Variants in ATP9B observed in about 807,000 individuals in gnomAD.
ATP9B encodes probable phospholipid-transporting ATPase IIB.
ATP9B carries 110 observed loss-of-function variants against 146.1 expected under a neutral mutation model. The ratio of observed to expected loss-of-function variants is 0.75; its 90% CI spans 0.65 to 0.88. ATP9B has a LOEUF of 0.88. Among genes scored for constraint, ATP9B ranks in the 40% least tolerant of loss-of-function variants. ATP9B has a pLI of 0.00. For missense variants in ATP9B, 1,499 were observed against 1,496.4 expected (o/e 1.00, Z -0.03); for synonymous variants, 604 against 569.7 (o/e 1.06, Z -0.86).
intron 25 of ATP9B, chr18:79,352,528 A>G (rs1203466085): frequency 6.6e-6 from 1 of 152,278 alleles, no homozygotes; most frequent in Non-Finnish European, 1.5e-5. Flanking sequence ...GGGGACAGGG[A>G]TGCCTCAGAG....
chr18:79,234,760 C>T (rs2095825374), intron 11 of ATP9B, among the ~76,000 whole-genome samples: 1 of 152,026 alleles, frequency 6.6e-6, no homozygotes, highest in African/African-American at 2.4e-5. Context: ...GTTTGTGTGG[C>T]TTAGGGAGAT....
At chr18:79,272,837 C>T (rs1036565346) in intron 12 of ATP9B, among the ~76,000 whole-genome samples, 2 of 152,160 alleles carry the variant, frequency 1.3e-5, no homozygotes, top group African/African-American at 4.8e-5. Context: ...ATGCTGTTCC[C>T]GAGGCTCAGA....
chr18:79,375,450 C>A (rs1439005404), intron 29 of ATP9B, 24 bp downstream of exon 29: 1 of 1,609,740 alleles, frequency 6.2e-7, no homozygotes, highest in South Asian at 1.1e-5. Context: ...TCATTTCTTT[C>A]AAAAGTGTAG....
At position 79,189,426 on chromosome 18, in the gene ATP9B, C is replaced by T. The variant is rs1398440554; in HGVS notation, c.874-3757C>T. On this transcript the variant is annotated intron_variant, in intron 8 of 29. Transcript: ENST00000426216. ...TACTATACATTCCCCTTGAACAACA[C>T]AGGGGTCAATTGTATCAATCCCCCA... 2.6e-5 allele frequency among the ~76,000 whole-genome samples: 4 copies of T among 152,204 alleles called. No individual in the cohort carries two copies. The South Asian group carries it at 6.2e-4, about 24-fold the overall frequency.
chr18:79,256,286 T>TATATATATATATATATATACAC lies in ATP9B; in HGVS notation c.1268+2746_1268+2747insTATATATATATATATATACACA, dbSNP rs398033647. Reference sequence around the variant, plus strand: ...ATATATATATATATATATATATATATACATACATAGTGAGGCTATGTTATT... The same window carrying TATATATATATATATATATACAC: ...ATATATATATATATATATATATATATATATATATATATATATATACACACATACATAGTGAGGCTATGTTATT... On this transcript the variant is annotated intron_variant, in intron 12 of 29. Coordinates refer to ENST00000426216, the MANE Select transcript of ATP9B (RefSeq NM_198531.5). Among the ~76,000 whole-genome samples the TATATATATATATATATATACAC allele has an allele frequency of 4.6e-4, 56 of 123,046 alleles. 2 individuals carry two copies. Among genetic ancestry groups the TATATATATATATATATATACAC allele is most frequent in the African/African-American group, 1.8e-3 (54 of 30,784 alleles). 80.7% of individuals were successfully genotyped at this position (123,046 alleles called of 152,430 possible). A position where few individuals can be genotyped will look rare whatever the true frequency, so the allele number is the denominator to read the frequency against.
chr18:79,327,579 TCTCCGTGGTTAACGTGCC>T (rs1568697885), intron 15 of ATP9B, among the ~76,000 whole-genome samples: 16 of 72,238 alleles, frequency 2.2e-4, no homozygotes, highest in African/African-American at 5.9e-4. Context: ...GTTAGCGTGC[TCTCCGTGGTTAACGTGCC>T]CTCCGTGGTT....
intron 12 of ATP9B, among the ~76,000 whole-genome samples, chr18:79,269,704 A>G (rs981602574): frequency 6.6e-6 from 1 of 152,220 alleles, no homozygotes; most frequent in African/African-American, 2.4e-5. Context: ...ACAAAGATGG[A>G]GGTTCATTTC....
intron 4 of ATP9B, chr18:79,115,420 C>T (rs1157159911): frequency 7.2e-6 from 1 of 139,320 alleles, no homozygotes; most frequent in Non-Finnish European, 1.5e-5. Context: ...GAAAAAACTA[C>T]TTTACAGTTC....
chr18:79,076,562 C>A lies in ATP9B; in HGVS notation c.119+7033C>A, dbSNP rs780219699. Among the ~76,000 whole-genome samples the A allele has an allele frequency of 8.0e-4, 121 of 151,024 alleles. 1 individual carries two copies. Among genetic ancestry groups the A allele is most frequent in the Middle Eastern group, 3.2e-3 (1 of 316 alleles). On this transcript the variant is annotated intron_variant, in intron 1 of 29. Coordinates refer to ENST00000426216, the MANE Select transcript of ATP9B (RefSeq NM_198531.5). ...CTTTTGAGATAGGTGTCACTTTTCT[C>A]TTACTACTTTCAAGCATTTTTTTTA...
chr18:79,185,952 A>T (rs2095304547), intron 8 of ATP9B, among the ~76,000 whole-genome samples: 1 of 152,344 alleles, frequency 6.6e-6, no homozygotes, highest in South Asian at 2.1e-4. Flanking sequence ...TCAGAGAATT[A>T]AAATTTCAGA....
At position 79,377,382 on chromosome 18, in the gene ATP9B, A is replaced by G; in HGVS notation, c.3443A>G (p.Ter1148=). 6.2e-7 allele frequency: 1 copy of G among 1,607,170 alleles called. No individual in the cohort carries two copies. Among genetic ancestry groups the G allele is most frequent in the Non-Finnish European group, 8.5e-7 (1 of 1,179,940 alleles). Residue 1148 remains the stop codon, a stop_retained_variant, in exon 30 of 30, where the codon TAA becomes TGA. Transcript: ENST00000426216. ...SPPSYCKLAS[*] ...CCCAGCTACTGCAAGCTGGCCTCCT[A>G]AGGGGCTGTGCACCCCCAGCGGGCT...
chr18:79,104,437 A>T (rs1264579243), intron 2 of ATP9B, among the ~76,000 whole-genome samples: 1 of 152,198 alleles, frequency 6.6e-6, no homozygotes, highest in Non-Finnish European at 1.5e-5. Context: ...TTGGCCATAT[A>T]GTAACAGTAG....
intron 17 of ATP9B, 24 bp from the exon 18 acceptor site, chr18:79,336,604 G>C (rs751274419): frequency 2.5e-6 from 4 of 1,611,594 alleles, no homozygotes; most frequent in Admixed American, 3.3e-5. Flanking sequence ...GGGCCCACCT[G>C]TGACTCGGCC....
rs1287186222 is a variant in ATP9B, at chr18:79,375,409, C to G, written c.3290C>G (p.Ser1097Cys). ...LNEYFGIGRV[S>C]FGAFLDVAFI... ...TTTGGAACAGGTATAGGCAGAGTGTCTTTTGGAGCTTTCTTAGGTAGGTAA... is the reference window on the plus strand; with the variant it reads ...TTTGGAACAGGTATAGGCAGAGTGTGTTTTGGAGCTTTCTTAGGTAGGTAA... Residue 1097 changes from serine to cysteine, a missense_variant, in exon 29 of 30, where the codon TCT (serine) becomes TGT (cysteine). Physicochemically the swap from Ser to Cys is moderately radical, Grantham distance 112 (BLOSUM62 -1). Transcript: ENST00000426216. The G allele has an allele frequency of 1.2e-6, 2 of 1,612,848 alleles. No homozygotes were observed. The highest frequency in any genetic ancestry group is 1.7e-6 in the Non-Finnish European group (2 of 1,178,934).
At chr18:79,132,770 A>AT (rs967797107) in intron 5 of ATP9B, among the ~76,000 whole-genome samples, 1 of 152,126 alleles carries the variant, frequency 6.6e-6, no homozygotes, top group Non-Finnish European at 1.5e-5. Flanking sequence ...GCTGGACCAT[A>AT]TTTACAACAT....
In ATP9B at chr18:79,208,976, T is replaced by C. The variant is rs929762077; in HGVS notation, c.1030+1964T>C. Among the ~76,000 whole-genome samples the C allele has an allele frequency of 5.3e-5, 8 of 152,296 alleles. 1 individual carries two copies. In the South Asian group the frequency reaches 8.3e-4, roughly 16 times the overall value. ...GCAGGCACATTTAGCCAGGGAAACC[T>C]GCCCTCCAGCCTTCTTCATGCTGCT... On this transcript the variant is annotated intron_variant, in intron 10 of 29. Transcript: ENST00000426216.
chr18:79,307,802 T>C (rs538854215), intron 15 of ATP9B, among the ~76,000 whole-genome samples: 38 of 152,364 alleles, frequency 2.5e-4, no homozygotes, highest in African/African-American at 6.7e-4. Flanking sequence ...AAATTCATTA[T>C]TAAATTTGTT....
chr18:79,121,393 G>T (rs778943902), intron 4 of ATP9B, among the ~76,000 whole-genome samples: 1 of 152,124 alleles, frequency 6.6e-6, no homozygotes, highest in Non-Finnish European at 1.5e-5. Flanking sequence ...TTTTTCTAGG[G>T]AGCAGTGTTA....
intron 29 of ATP9B, chr18:79,376,314 G>A (rs971706950): frequency 7.1e-6 from 7 of 985,128 alleles, no homozygotes; most frequent in Admixed American, 1.2e-4. Context: ...TAGTACTTCA[G>A]TGCCTTCACA....
Sources: gnomAD v4.1 joint callset for allele counts (sites outside exome capture counted in the v4.1 genomes callset) on GRCh38, gnomAD v4.1.1 for gene constraint, MANE v1.5 for transcripts, NCBI Gene and HGNC (gene_info 2026-07-23, HGNC 2026-07-21) for gene names.